Variants in CCDC93 observed in about 807,000 individuals in gnomAD.
The protein encoded by CCDC93 is coiled-coil domain-containing protein 93.
A neutral mutation model predicts 108.2 loss-of-function variants in CCDC93; 61 were observed. The observed-to-expected ratio is 0.56, with a 90% confidence interval of 0.46 to 0.70. The LOEUF (loss-of-function observed/expected upper bound fraction) is 0.70. CCDC93 is among the 30% of genes least tolerant of loss of function. CCDC93 has a pLI of 0.00. For missense variants in CCDC93, 685 were observed against 764.2 expected, an observed-to-expected ratio of 0.90 and a Z score of 1.22; for synonymous variants, 276 against 260.4, an observed-to-expected ratio of 1.06 and a Z score of -0.58.
rs1448433181 is a variant in CCDC93 at position 117,917,526 on chromosome 2, C to T, written c.*2817G>A. The stretch of plus-strand genomic sequence containing the variant: ...AAATATTAAGGGCTACGAGCTAGAA[C>T]CATTAAAACCATGAACTTCGGACTC... On this transcript the variant is annotated 3_prime_UTR_variant, in exon 24 of 24. Coordinates refer to ENST00000376300, the MANE Select transcript of CCDC93 (RefSeq NM_019044.5). 6.6e-6 allele frequency: 1 copy of T among 152,536 alleles called. No homozygotes were observed. The highest frequency in any genetic ancestry group is 2.4e-5 in the African/African-American group (1 of 41,440). 9.4% of individuals were successfully genotyped at this position (152,536 alleles called of 1,614,324 possible). A position where few individuals can be genotyped will look rare whatever the true frequency, so the allele number is the denominator to read the frequency against.
At chr2:117,987,546 C>T (rs1680356907) in intron 6 of CCDC93, among the ~76,000 whole-genome samples, 1 of 152,206 alleles carries the variant, frequency 6.6e-6, no homozygotes, top group East Asian at 1.9e-4. Context: ...ATGTCTAGCC[C>T]TATCTCTGCC....
chr2:118,012,635 A>C (rs1677050654), intron 1 of CCDC93: 1 of 152,180 alleles, frequency 6.6e-6, no homozygotes, highest in Non-Finnish European at 1.5e-5. Context: ...AAAAAAGAAA[A>C]CTTCAAATGT....
At chr2:118,007,239 T>C (rs1199620731) in intron 2 of CCDC93, among the ~76,000 whole-genome samples, 1 of 152,264 alleles carries the variant, frequency 6.6e-6, no homozygotes, top group African/African-American at 2.4e-5. Flanking sequence ...TTTGTTTCCA[T>C]ACATCTTATT....
At chr2:117,939,835 G>A (rs1183637240) in intron 19 of CCDC93, among the ~76,000 whole-genome samples, 2 of 152,174 alleles carry the variant, frequency 1.3e-5, no homozygotes, top group East Asian at 1.9e-4. Flanking sequence ...TACCAAGTGG[G>A]AATTGTAGGA....
intron 11 of CCDC93, among the ~76,000 whole-genome samples, chr2:117,972,083 T>A (rs566524779): frequency 2.6e-5 from 4 of 152,204 alleles, no homozygotes; most frequent in African/African-American, 9.6e-5. Context: ...ATATGAAAAG[T>A]TGGCCCTCCA....
At chr2:117,989,496 C>A (rs1680414464) in intron 6 of CCDC93, among the ~76,000 whole-genome samples, 1 of 152,168 alleles carries the variant, frequency 6.6e-6, no homozygotes, top group South Asian at 2.1e-4. Flanking sequence ...CTTGATCAGT[C>A]CTCAAACTCC....
chr2:117,954,866 T>C lies in CCDC93; in HGVS notation c.1006-2431A>G, dbSNP rs139883948. On this transcript the variant is annotated intron_variant, in intron 12 of 23. Transcript: ENST00000376300. ...AGTGAGTTCTCAGGAGAACTGATGG[T>C]TTTATAGGCATCTGGCATTTCCCCT... Among the ~76,000 whole-genome samples, 59 of 152,238 alleles carry C rather than the reference T, an allele frequency of 3.9e-4. No individual in the cohort carries two copies. In the South Asian group the frequency reaches 5.2e-3, roughly 13 times the overall value.
rs149583507 is a variant in CCDC93, at chr2:117,988,196, T to G, written c.520-2127A>C. 2.6e-5 allele frequency among the ~76,000 whole-genome samples: 4 copies of G among 152,214 alleles called. No homozygotes were observed. In the East Asian group the frequency reaches 5.8e-4, roughly 22 times the overall value. ...AAAGGCACACACACAGGGTTAAATATTAAGGTGACCCTTTTGTAAAGCAGA... is the reference window on the plus strand; with the variant it reads ...AAAGGCACACACACAGGGTTAAATAGTAAGGTGACCCTTTTGTAAAGCAGA... On this transcript the variant is annotated intron_variant, in intron 6 of 23. Transcript: ENST00000376300.
chr2:117,938,810 CTAGA>C (rs1678605428), intron 20 of CCDC93, among the ~76,000 whole-genome samples: 1 of 152,184 alleles, frequency 6.6e-6, no homozygotes, highest in Non-Finnish European at 1.5e-5. Context: ...CCACAGCACT[CTAGA>C]ATGGCTGTCT....
At chr2:117,950,100 C>T in intron 13 of CCDC93, 1 of 985,426 alleles carries the variant, frequency 1.0e-6, no homozygotes, top group Non-Finnish European at 1.2e-6. Flanking sequence ...TTACTACCGG[C>T]TGATCTCAGC....
chr2:117,976,139 T>G (rs953137844), intron 8 of CCDC93, among the ~76,000 whole-genome samples: 1 of 152,186 alleles, frequency 6.6e-6, no homozygotes, highest in Non-Finnish European at 1.5e-5. Flanking sequence ...AGTCTATCAC[T>G]GCCCATGGGA....
chr2:117,993,697 T>C (rs930584432), intron 6 of CCDC93, among the ~76,000 whole-genome samples: 1 of 152,206 alleles, frequency 6.6e-6, no homozygotes, highest in Non-Finnish European at 1.5e-5. Context: ...CTATTTGTCA[T>C]GAGAAATGTA....
Position 117,957,930 on chromosome 2 carries a change from C to T in CCDC93, c.1005+435G>A, listed in dbSNP as rs538856936. 4.6e-5 allele frequency among the ~76,000 whole-genome samples: 7 copies of T among 150,914 alleles called. No homozygotes were observed. In the South Asian group the frequency reaches 1.5e-3, roughly 31 times the overall value. On this transcript the variant is annotated intron_variant, in intron 12 of 23. Coordinates refer to ENST00000376300, the MANE Select transcript of CCDC93 (RefSeq NM_019044.5). ...AATGACGATGAGTGTGGTAACTTCT[C>T]ATTAGAAGTTAAGATCCTTGACAGG...
At chr2:118,000,373 G>GT (rs1206157455) in intron 4 of CCDC93, 1 of 155,616 alleles carries the variant, frequency 6.4e-6, no homozygotes, top group East Asian at 1.9e-4. Flanking sequence ...GGTAAGGAGA[G>GT]AATGGAAGAG....
chr2:118,008,725 CCT>C (rs1420123727), intron 1 of CCDC93, 67 bp from the exon 2 acceptor site: 2 of 928,210 alleles, frequency 2.2e-6, no homozygotes, highest in African/African-American at 1.6e-5. Context: ...AGGTATATCC[CCT>C]GATGCCACAA....
At chr2:117,960,958 T>C (rs1452549532) in intron 11 of CCDC93, among the ~76,000 whole-genome samples, 2 of 152,214 alleles carry the variant, frequency 1.3e-5, no homozygotes, top group Non-Finnish European at 2.9e-5. Flanking sequence ...TAAGCTACTG[T>C]AAATGAATTA....
intron 11 of CCDC93, among the ~76,000 whole-genome samples, chr2:117,970,902 G>C (rs944573524): frequency 1.3e-5 from 2 of 152,196 alleles, no homozygotes; most frequent in Admixed American, 6.5e-5. Flanking sequence ...CACAGAGGGA[G>C]TGATAACCAA....
intron 11 of CCDC93, among the ~76,000 whole-genome samples, chr2:117,959,418 A>G (rs1408536317): frequency 6.6e-6 from 1 of 152,250 alleles, no homozygotes; most frequent in Non-Finnish European, 1.5e-5. Flanking sequence ...CATTGATTCT[A>G]AACTCACATG....
At chr2:118,001,862 A>G (rs1233453964) in intron 3 of CCDC93, among the ~76,000 whole-genome samples, 1 of 152,178 alleles carries the variant, frequency 6.6e-6, no homozygotes, top group Non-Finnish European at 1.5e-5. Context: ...TAGCTATGTG[A>G]TTCCTGTTTC....
Sources: allele counts gnomAD v4.1 joint callset (sites outside exome capture counted in the v4.1 genomes callset), GRCh38; gene constraint gnomAD v4.1.1; transcripts MANE v1.5; gene names NCBI Gene and HGNC (gene_info 2026-07-23, HGNC 2026-07-21).